Variants in MACROD2 observed in about 807,000 individuals in gnomAD.
MACROD2 encodes the protein ADP-ribose glycohydrolase MACROD2.
In MACROD2, 36 loss-of-function variants were observed where a neutral mutation model predicts 70.4. The ratio of observed to expected loss-of-function variants is 0.51; its 90% confidence interval spans 0.39 to 0.68. The LOEUF (loss-of-function observed/expected upper bound fraction) is 0.68. MACROD2 is among the 30% of genes least tolerant of loss of function. MACROD2 has a pLI of 0.00. For synonymous variants in MACROD2, 172 were observed against 178.8 expected, an observed-to-expected ratio of 0.96 and a Z score of 0.30; for missense variants, 496 against 538.4, an observed-to-expected ratio of 0.92 and a Z score of 0.78.
chr20:15,899,143 G>T (rs1009905178), intron 10 of MACROD2, among the ~76,000 whole-genome samples: 1 of 151,698 alleles, frequency 6.6e-6, no homozygotes, highest in African/African-American at 2.4e-5. Flanking sequence ...ACAAATATAT[G>T]GGTGTATATA....
intron 3 of MACROD2, among the ~76,000 whole-genome samples, chr20:14,282,900 C>T (rs2082317432): frequency 6.6e-6 from 1 of 152,198 alleles, no homozygotes; most frequent in Non-Finnish European, 1.5e-5. Context: ...CCACCTCTAA[C>T]ACTGGGCATT....
intron 4 of MACROD2, among the ~76,000 whole-genome samples, chr20:14,628,034 A>G (rs926113358): frequency 6.6e-6 from 1 of 152,150 alleles, no homozygotes; most frequent in Non-Finnish European, 1.5e-5. Flanking sequence ...AAGGTTTCCC[A>G]AAAGCACTAT....
rs143157390 is a variant in MACROD2, at chr20:15,589,928, A to G, written c.645+90081A>G. Among the ~76,000 whole-genome samples the G allele has an allele frequency of 4.3e-4, 66 of 152,328 alleles. 1 individual carries two copies. The East Asian group carries it at 0.013, about 29-fold the overall frequency. ...AGTACACAAGGAAAAGTAAAATAGCAAGGTTAGCTAGAAAAAAATCTATAA... is the reference window on the plus strand; with the variant it reads ...AGTACACAAGGAAAAGTAAAATAGCGAGGTTAGCTAGAAAAAAATCTATAA... On this transcript the variant is annotated intron_variant, in intron 8 of 17. Transcript: ENST00000684519.
intron 5 of MACROD2, among the ~76,000 whole-genome samples, chr20:15,063,252 A>G (rs867427779): frequency 2.6e-5 from 4 of 151,524 alleles, no homozygotes; most frequent in Middle Eastern, 3.4e-3. Context: ...CAATGTCATC[A>G]TATATGATGC....
At chr20:15,580,041 G>C (rs1033695014) in intron 8 of MACROD2, among the ~76,000 whole-genome samples, 6 of 152,142 alleles carry the variant, frequency 3.9e-5, no homozygotes, top group Non-Finnish European at 7.3e-5. Context: ...TGTATGCCCT[G>C]CATATTGATT....
rs1258126137 is a variant in MACROD2 at position 14,532,836 on chromosome 20, G to A, written c.301+39328G>A. Among the ~76,000 whole-genome samples, 5 of 152,300 alleles carry A rather than the reference G, an allele frequency of 3.3e-5. No individual in the cohort carries two copies. The South Asian group carries it at 6.2e-4, about 19-fold the overall frequency. ...TTTCAGGTCTTCAAGTAATCCCTGG[G>A]TGATGCATCGGGATTAGGCCTTTGT... On this transcript the variant is annotated intron_variant, in intron 4 of 17. Coordinates refer to ENST00000684519, the MANE Select transcript of MACROD2 (RefSeq NM_001351661.2).
intron 5 of MACROD2, among the ~76,000 whole-genome samples, chr20:15,044,607 C>T (rs1232613015): frequency 1.3e-5 from 2 of 152,140 alleles, no homozygotes; most frequent in Non-Finnish European, 2.9e-5. Flanking sequence ...CTCTCCCAGG[C>T]AGTCTAAGGT....
At chr20:15,149,719 CA>C (rs2076255609) in intron 5 of MACROD2, among the ~76,000 whole-genome samples, 1 of 152,046 alleles carries the variant, frequency 6.6e-6, no homozygotes, top group African/African-American at 2.4e-5. Context: ...ACATGATGGC[CA>C]GCCTAAAACA....
chr20:15,248,641 T>C (rs2077127298), intron 6 of MACROD2, among the ~76,000 whole-genome samples: 1 of 152,130 alleles, frequency 6.6e-6, no homozygotes. Flanking sequence ...GAAAATTCCA[T>C]TGCATGCCCC....
chr20:15,748,364 CTT>C (rs2051216189), intron 8 of MACROD2, among the ~76,000 whole-genome samples: 2 of 119,590 alleles, frequency 1.7e-5, no homozygotes, highest in Non-Finnish European at 3.9e-5. Context: ...TCCTTCCTTC[CTT>C]CCTCCCTTCC....
intron 4 of MACROD2, among the ~76,000 whole-genome samples, chr20:14,546,599 C>A (rs2085493739): frequency 1.3e-5 from 2 of 152,122 alleles, no homozygotes; most frequent in South Asian, 4.1e-4. Flanking sequence ...GATTGTCATC[C>A]CTGTTTAGCC....
chr20:16,020,130 G>C (rs568005692), intron 15 of MACROD2, among the ~76,000 whole-genome samples: 1 of 152,116 alleles, frequency 6.6e-6, no homozygotes, highest in Non-Finnish European at 1.5e-5. Context: ...CCTTCTGAAT[G>C]ACATTTCTTA....
At chr20:14,599,146 A>G (rs1237205398) in intron 4 of MACROD2, among the ~76,000 whole-genome samples, 1 of 152,174 alleles carries the variant, frequency 6.6e-6, no homozygotes, top group Admixed American at 6.6e-5. Flanking sequence ...GTATATAAGT[A>G]TGTATTAAGT....
At chr20:15,072,234 C>T (rs962399791) in intron 5 of MACROD2, among the ~76,000 whole-genome samples, 2 of 152,062 alleles carry the variant, frequency 1.3e-5, no homozygotes, top group South Asian at 2.1e-4. Flanking sequence ...TAGTTACAGG[C>T]GTGACTGATT....
intron 6 of MACROD2, among the ~76,000 whole-genome samples, chr20:15,241,762 CAA>C (rs200361392): frequency 0.021 from 1,952 of 92,538 alleles, 35 homozygotes; most frequent in African/African-American, 0.06. Flanking sequence ...GTATTTCTCT[CAA>C]AAAAAAAAAA....
intron 8 of MACROD2, among the ~76,000 whole-genome samples, chr20:15,728,154 A>G (rs1379831321): frequency 6.6e-6 from 1 of 152,182 alleles, no homozygotes; most frequent in Non-Finnish European, 1.5e-5. Context: ...ATCTATTGAG[A>G]TAACCATGTG....
rs180900754 is a variant in MACROD2, at chr20:14,987,409, A to T, written c.419-242531A>T. On this transcript the variant is annotated intron_variant, in intron 5 of 17. Transcript: ENST00000684519. ...TGGGATTGTTGCCGCCGTTGTTATT[A>T]AACAACTTGTTCACATACCTTTTTT... Among the ~76,000 whole-genome samples, 361 of 152,312 alleles carry T rather than the reference A, an allele frequency of 2.4e-3. 1 individual carries two copies. Among genetic ancestry groups the T allele is most frequent in the African/African-American group, 8.3e-3 (346 of 41,564 alleles).
intron 4 of MACROD2, among the ~76,000 whole-genome samples, chr20:14,526,452 G>A (rs1038475497): frequency 2.0e-5 from 3 of 151,958 alleles, no homozygotes; most frequent in South Asian, 2.1e-4. Flanking sequence ...TTTACATTCC[G>A]CTCATTCACA....
intron 8 of MACROD2, among the ~76,000 whole-genome samples, chr20:15,626,893 G>A (rs2049211424): frequency 6.6e-6 from 1 of 151,682 alleles, no homozygotes; most frequent in African/African-American, 2.4e-5. Flanking sequence ...ACTGTAATAT[G>A]TGGATAGTTG....
Sources: allele counts gnomAD v4.1 joint callset (sites outside exome capture counted in the v4.1 genomes callset), GRCh38; gene constraint gnomAD v4.1.1; transcripts MANE v1.5; gene names NCBI Gene and HGNC (gene_info 2026-07-23, HGNC 2026-07-21).